FRY: variants seen among roughly 807,000 people sequenced by gnomAD.
The protein encoded by FRY is FRY microtubule binding protein.
Under a neutral mutation model 348.4 loss-of-function variants are expected in FRY, and 128 were observed. The observed-to-expected ratio is 0.37, with a 90% confidence interval of 0.32 to 0.43. The LOEUF (loss-of-function observed/expected upper bound fraction) is 0.43. Among genes scored for constraint, FRY ranks in the 20% least tolerant of loss-of-function variants. FRY has a pLI of 1.00. For missense variants in FRY, 2,736 were observed against 3,695.2 expected (o/e 0.74, Z 6.73); for synonymous variants, 1,370 against 1,374.7 (o/e 1.00, Z 0.08).
At chr13:32,229,075 A>G (rs907698937) in intron 40 of FRY, among the ~76,000 whole-genome samples, 2 of 152,236 alleles carry the variant, frequency 1.3e-5, no homozygotes, top group African/African-American at 4.8e-5. Flanking sequence ...AGCAGCTGCC[A>G]AGGGGACCAT....
chr13:32,279,305 A>G (rs1297788085), intron 58 of FRY, among the ~76,000 whole-genome samples: 1 of 152,200 alleles, frequency 6.6e-6, no homozygotes, highest in East Asian at 1.9e-4. Context: ...GATCTAAAAT[A>G]TGAGATGAAG....
intron 3 of FRY, among the ~76,000 whole-genome samples, chr13:32,108,995 T>C (rs917464439): frequency 3.9e-5 from 6 of 152,180 alleles, no homozygotes; most frequent in African/African-American, 1.4e-4. Flanking sequence ...GTCAACTTGA[T>C]GTTAGCCTTA....
Position 32,249,000 on chromosome 13 carries a change from A to G in FRY, c.7009-526A>G, listed in dbSNP as rs190325634. Among the ~76,000 whole-genome samples, 891 of 152,354 alleles carry G rather than the reference A, an allele frequency of 5.8e-3. 3 individuals carry two copies. Among genetic ancestry groups the G allele is most frequent in the Non-Finnish European group, 9.5e-3 (647 of 68,034 alleles). ...AGCTTGAGTTTGCGAATTGCTGCCTATGCAGCCACCACACTCTGGAGCTCT... is the reference window on the plus strand; with the variant it reads ...AGCTTGAGTTTGCGAATTGCTGCCTGTGCAGCCACCACACTCTGGAGCTCT... On this transcript the variant is annotated intron_variant, in intron 48 of 60. Transcript: ENST00000542859.
intron 24 of FRY, 56 bp downstream of exon 24, chr13:32,183,090 T>C: frequency 9.5e-7 from 1 of 1,055,802 alleles, no homozygotes; most frequent in Admixed American, 1.8e-5. Flanking sequence ...TCATCTGAAT[T>C]TAAATCAAAC....
Position 32,185,164 on chromosome 13 carries a change from A to G in FRY, c.3319+16A>G, listed in dbSNP as rs1457240054. ...TGTGTTCCAGGTACGGTGATCCGTT[A>G]CAAGAAATTACCATTCATGCTTGGA... is the stretch of plus-strand genomic sequence containing the variant. On this transcript the variant is annotated intron_variant, in intron 26 of 60. Transcript: ENST00000542859. The G allele has an allele frequency of 1.2e-6, 2 of 1,610,232 alleles. No individual in the cohort carries two copies. The highest frequency in any genetic ancestry group is 1.7e-5 in the Admixed American group (1 of 60,012).
chr13:32,134,441 GA>G (rs2138771751), intron 8 of FRY, among the ~76,000 whole-genome samples: 1 of 152,324 alleles, frequency 6.6e-6, no homozygotes, highest in East Asian at 1.9e-4. Flanking sequence ...CTCTGTGCCT[GA>G]GGCTGTCAGG....
At position 32,202,607 on chromosome 13, in the gene FRY, G is replaced by A. The variant is rs891040259; in HGVS notation, c.4018+80G>A. The A allele has an allele frequency of 4.1e-6, 5 of 1,222,910 alleles. No individual in the cohort carries two copies. In the African/African-American group the frequency reaches 7.4e-5, roughly 18 times the overall value. 75.8% of individuals were successfully genotyped at this position (1,222,910 alleles called of 1,614,324 possible). ...GTGATCATTTCTAATAATGACATGT[G>A]ATCATTTCTTTGCTCTAAGTAATTT... is the stretch of plus-strand genomic sequence containing the variant. On this transcript the variant is annotated intron_variant, in intron 31 of 60. Coordinates refer to ENST00000542859, the MANE Select transcript of FRY (RefSeq NM_023037.3).
At chr13:32,063,595 A>G (rs1355936945) in intron 1 of FRY, among the ~76,000 whole-genome samples, 2 of 152,216 alleles carry the variant, frequency 1.3e-5, no homozygotes, top group African/African-American at 2.4e-5. Context: ...CCAATCTGCT[A>G]TTTTTCTCTT....
At chr13:32,198,861 T>C (rs548457504) in intron 29 of FRY, among the ~76,000 whole-genome samples, 8 of 152,328 alleles carry the variant, frequency 5.3e-5, no homozygotes, top group African/African-American at 1.7e-4. Flanking sequence ...AAACCTATTT[T>C]GGATGGCAAT....
chr13:32,039,667 A>G (rs1319777611), intron 1 of FRY, among the ~76,000 whole-genome samples: 1 of 152,220 alleles, frequency 6.6e-6, no homozygotes, highest in Non-Finnish European at 1.5e-5. Flanking sequence ...GTGAAAGTTT[A>G]TATTCTGCCA....
At position 32,274,610 on chromosome 13, in the gene FRY, A is replaced by G. The variant is rs576676352; in HGVS notation, c.8137-232A>G. On this transcript the variant is annotated intron_variant, in intron 55 of 60. Transcript: ENST00000542859. ...TCCCAGCTACTCGGGAGGCTGAGGC[A>G]GGAGAATGGCGTGAACCTGGGAGGG... is the stretch of plus-strand genomic sequence containing the variant. 2.5e-3 allele frequency among the ~76,000 whole-genome samples: 374 copies of G among 148,074 alleles called. 1 individual carries two copies. Among genetic ancestry groups the G allele is most frequent in the African/African-American group, 8.7e-3 (352 of 40,294 alleles).
intron 2 of FRY, among the ~76,000 whole-genome samples, chr13:32,099,814 T>G (rs916644848): frequency 6.6e-6 from 1 of 150,720 alleles, no homozygotes; most frequent in African/African-American, 2.4e-5. Context: ...ACTCTTTGAA[T>G]TGAAAAAAAA....
chr13:32,162,826 A>C (rs541683692), intron 17 of FRY, among the ~76,000 whole-genome samples: 1 of 152,196 alleles, frequency 6.6e-6, no homozygotes, highest in South Asian at 2.1e-4. Context: ...AACTTTTGAG[A>C]CCTAGCAACC....
At chr13:32,294,258 G>T (rs1457183072) in intron 59 of FRY, 110 bp from the exon 60 acceptor site, 3 of 740,820 alleles carry the variant, frequency 4.0e-6, no homozygotes, top group Non-Finnish European at 7.1e-6. Flanking sequence ...ATTTACCAAG[G>T]TATTAAGCTT....
rs1019669546 is a variant in FRY at position 32,236,074 on chromosome 13, G to T, written c.5716-4G>T. On this transcript the variant is annotated splice_region_variant and splice_polypyrimidine_tract_variant and intron_variant, in intron 42 of 60. Transcript: ENST00000542859. The stretch of plus-strand genomic sequence containing the variant: ...ACAAAATGCTATCTTTGCATGTTTG[G>T]CAGGGTTATGTAATGGAAGCGCTCC... The T allele has an allele frequency of 1.6e-5, 25 of 1,604,406 alleles. No individual in the cohort carries two copies. The highest frequency in any genetic ancestry group is 2.7e-5 in the African/African-American group (2 of 74,690).
chr13:32,186,463 GTC>G, intron 27 of FRY, 43 bp downstream of exon 27: 1 of 1,216,128 alleles, frequency 8.2e-7, no homozygotes. Context: ...CAGATGGATG[GTC>G]TCTCTCGTTA....
intron 33 of FRY, among the ~76,000 whole-genome samples, chr13:32,210,498 C>T (rs1483685615): frequency 6.6e-6 from 1 of 152,136 alleles, no homozygotes; most frequent in African/African-American, 2.4e-5. Context: ...GGACTGGATT[C>T]CTTTTTAAAC....
At chr13:32,092,959 C>T (rs1876427210) in intron 2 of FRY, among the ~76,000 whole-genome samples, 1 of 152,176 alleles carries the variant, frequency 6.6e-6, no homozygotes, top group African/African-American at 2.4e-5. Flanking sequence ...AGTGATGCAT[C>T]ACGACCTCCT....
chr13:32,236,299 G>C (rs1413313287), intron 43 of FRY, 127 bp downstream of exon 43: 11 of 704,740 alleles, frequency 1.6e-5, no homozygotes, highest in Middle Eastern at 2.7e-4. Flanking sequence ...ACCTGAAAAA[G>C]TATGTGTAAT....
Sources: allele counts gnomAD v4.1 joint callset (sites outside exome capture counted in the v4.1 genomes callset), GRCh38; gene constraint gnomAD v4.1.1; transcripts MANE v1.5; gene names NCBI Gene and HGNC (gene_info 2026-07-23, HGNC 2026-07-21).